NEK1: variants seen among roughly 807,000 people sequenced by gnomAD.
NEK1 encodes the protein serine/threonine-protein kinase Nek1.
In NEK1, 137 loss-of-function variants were observed where a neutral mutation model predicts 182.1. That is an observed-to-expected ratio of 0.75 (90% CI 0.65 to 0.87). NEK1 has a LOEUF of 0.87. Ranked by LOEUF, NEK1 falls within the 40% of genes least tolerant of loss-of-function variation. The probability of loss-of-function intolerance (pLI) is 0.00; values close to 1 mark genes in which losing one functional copy is unlikely to be tolerated. For missense variants in NEK1, 1,391 were observed against 1,494.4 expected (o/e 0.93, Z 1.14); for synonymous variants, 513 against 492.2 (o/e 1.04, Z -0.56).
intron 31 of NEK1, among the ~76,000 whole-genome samples, chr4:169,418,002 C>A (rs1022140306): frequency 6.6e-6 from 1 of 152,134 alleles, no homozygotes; most frequent in African/African-American, 2.4e-5. Context: ...TTTCTTGAGT[C>A]TTTGATGAGC....
chr4:169,548,606 G>T (rs563078687), intron 18 of NEK1, among the ~76,000 whole-genome samples: 2 of 152,232 alleles, frequency 1.3e-5, no homozygotes. Flanking sequence ...CAGGGAGGTG[G>T]GGGTTTTATC....
chr4:169,534,112 AAACTTAT>A (rs1561362870), intron 19 of NEK1, among the ~76,000 whole-genome samples: 1 of 152,252 alleles, frequency 6.6e-6, no homozygotes, highest in Non-Finnish European at 1.5e-5. Flanking sequence ...AATAAACTTC[AAACTTAT>A]ATTTCCTTAT....
intron 26 of NEK1, 21 bp from the exon 27 acceptor site, chr4:169,463,416 G>T: frequency 6.4e-7 from 1 of 1,563,680 alleles, no homozygotes. Context: ...AATATACAAA[G>T]AAACAATTTT....
chr4:169,511,625 C>T (rs1429850203), intron 19 of NEK1, among the ~76,000 whole-genome samples: 1 of 152,056 alleles, frequency 6.6e-6, no homozygotes, highest in East Asian at 1.9e-4. Context: ...CCATCAAAAC[C>T]AGGAAACTGA....
At chr4:169,568,165 C>T (rs1218091816) in intron 12 of NEK1, among the ~76,000 whole-genome samples, 2 of 152,152 alleles carry the variant, frequency 1.3e-5, no homozygotes, top group African/African-American at 4.8e-5. Flanking sequence ...TTCTACAAGT[C>T]CACTCGAGCG....
chr4:169,593,287 G>A (rs961510957), intron 5 of NEK1, among the ~76,000 whole-genome samples: 1 of 152,136 alleles, frequency 6.6e-6, no homozygotes, highest in Non-Finnish European at 1.5e-5. Flanking sequence ...TAGCATAAAA[G>A]CAACCACAGA....
intron 8 of NEK1, among the ~76,000 whole-genome samples, chr4:169,588,316 A>G (rs1331801888): frequency 1.3e-5 from 2 of 152,158 alleles, no homozygotes; most frequent in African/African-American, 2.4e-5. Flanking sequence ...GAGAATACCT[A>G]GAACTCGAAA....
intron 19 of NEK1, among the ~76,000 whole-genome samples, chr4:169,509,094 G>C (rs972935241): frequency 1.4e-4 from 22 of 152,104 alleles, no homozygotes; most frequent in Admixed American, 1.4e-3. Context: ...CTATCTTTGT[G>C]TTAGTCACTT....
intron 27 of NEK1, among the ~76,000 whole-genome samples, chr4:169,451,062 G>T (rs892717402): frequency 3.3e-5 from 5 of 152,118 alleles, no homozygotes; most frequent in Non-Finnish European, 5.9e-5. Context: ...ATGGTAAAGG[G>T]ATCAATGCAA....
intron 6 of NEK1, among the ~76,000 whole-genome samples, chr4:169,589,821 A>G (rs1768137632): frequency 6.6e-6 from 1 of 152,194 alleles, no homozygotes; most frequent in Admixed American, 6.5e-5. Context: ...CAAGCAAAAA[A>G]ATTAAAAGGA....
rs141946922 is a variant in NEK1 at position 169,523,534 on chromosome 4, C to G, written c.1665+14275G>C. On this transcript the variant is annotated intron_variant, in intron 19 of 35. Transcript: ENST00000507142. ...CAAAAGGTAGGAAGGAGGCATGGAA[C>G]AGATTCTCCCTCAAAGCCCCCAGAA... Among the ~76,000 whole-genome samples, 1,302 of 152,272 alleles carry G rather than the reference C, an allele frequency of 8.6e-3. 14 individuals carry two copies. Among genetic ancestry groups the G allele is most frequent in the African/African-American group, 0.03 (1,226 of 41,554 alleles).
At position 169,560,221 on chromosome 4, in the gene NEK1, G is replaced by A. The variant is rs1266780081; in HGVS notation, c.1266+1259C>T. On this transcript the variant is annotated intron_variant, in intron 16 of 35. Transcript: ENST00000507142. ...CAGGCAGAAATCAAGGTGTCAGCCA[G>A]GGTTACAATTCTCACCTGAGACTCA... Among the ~76,000 whole-genome samples the A allele has an allele frequency of 7.2e-5, 11 of 152,318 alleles. No individual in the cohort carries two copies. The East Asian group carries it at 2.1e-3, about 29-fold the overall frequency.
chr4:169,561,579 A>G lies in NEK1; in HGVS notation c.1192-25T>C, dbSNP rs773605397. ...ACTTTGGGGAAAAGAAATAAACAAA[A>G]CACCATTTCAAGTATTTAATATAAA... On this transcript the variant is annotated intron_variant, in intron 15 of 35. Transcript: ENST00000507142. 9.9e-6 allele frequency: 16 copies of G among 1,608,614 alleles called. No homozygotes were observed. The Admixed American group carries it at 2.5e-4, about 25-fold the overall frequency.
At position 169,479,411 on chromosome 4, in the gene NEK1, C is replaced by A; in HGVS notation, c.2131G>T (p.Val711Phe). ...VISVTSALKE[V>F]GVDSSLTDTR... is the part of the protein sequence containing the mutation. The stretch of plus-strand genomic sequence containing the variant: ...AATCTTAGGAAACTTACCACGCCAA[C>A]TTCTTTCAAAGCTGAAGTTACAGAA... The change falls in exon 24 of 36, where the codon GTT (valine) becomes TTT (phenylalanine). Residue 711 changes from valine to phenylalanine, a missense_variant. Val to Phe is a conservative substitution (Grantham distance 50). This residue lies in a region of NEK1 where 1,216 missense variants were observed against 1,277.6 expected (regional missense o/e 0.95). Transcript: ENST00000507142. The A allele has an allele frequency of 6.2e-7, 1 of 1,608,986 alleles. No homozygotes were observed. Among genetic ancestry groups the A allele is most frequent in the Non-Finnish European group, 8.5e-7 (1 of 1,177,904 alleles).
intron 32 of NEK1, among the ~76,000 whole-genome samples, chr4:169,405,908 A>C (rs1474243164): frequency 6.6e-6 from 1 of 152,170 alleles, no homozygotes; most frequent in African/African-American, 2.4e-5. Flanking sequence ...GTTTGAGACC[A>C]GCCTGACCAA....
intron 23 of NEK1, among the ~76,000 whole-genome samples, chr4:169,504,474 C>T (rs1184193476): frequency 1.3e-5 from 2 of 152,134 alleles, no homozygotes; most frequent in Non-Finnish European, 2.9e-5. Context: ...AATCTGGAAG[C>T]AACCTAATTG....
intron 18 of NEK1, among the ~76,000 whole-genome samples, chr4:169,538,634 C>T (rs1464836156): frequency 6.6e-6 from 1 of 151,998 alleles, no homozygotes; most frequent in South Asian, 2.1e-4. Context: ...ATAAATAAAA[C>T]CCAGCCCCAG....
At chr4:169,402,941 G>A (rs1731938394) in intron 32 of NEK1, among the ~76,000 whole-genome samples, 1 of 152,140 alleles carries the variant, frequency 6.6e-6, no homozygotes, top group African/African-American at 2.4e-5. Flanking sequence ...AAGAGATTAT[G>A]TACCTAAGCC....
intron 18 of NEK1, chr4:169,555,119 T>C (rs984906999): frequency 6.6e-6 from 1 of 152,412 alleles, no homozygotes; most frequent in Admixed American, 6.5e-5. Context: ...GCTTCATATA[T>C]CAGGCTTCTG....
Sources: gnomAD v4.1 joint callset for allele counts (sites outside exome capture counted in the v4.1 genomes callset) on GRCh38, gnomAD v4.1.1 for gene constraint, gnomAD v4.1.1 regional missense constraint, MANE v1.5 for transcripts, NCBI Gene and HGNC (gene_info 2026-07-23, HGNC 2026-07-21) for gene names.